Variants in SCNN1B observed in about 807,000 individuals in gnomAD.
The protein encoded by SCNN1B is sodium channel epithelial 1 subunit beta, also known as epithelial sodium channel subunit beta.
SCNN1B carries 46 observed loss-of-function variants against 65.3 expected under a neutral mutation model. The observed-to-expected ratio is 0.70, with a 90% CI of 0.56 to 0.90. The LOEUF (loss-of-function observed/expected upper bound fraction) is 0.90, where lower values mean the gene tolerates loss of function less well. Among genes scored for constraint, SCNN1B ranks in the 40% least tolerant of loss-of-function variants. SCNN1B has a pLI of 0.00. For synonymous variants in SCNN1B, 349 were observed against 330.6 expected (o/e 1.06, Z -0.60); for missense variants, 751 against 830.5 (o/e 0.90, Z 1.18).
chr16:23,305,581 A>AAAAATAT lies in SCNN1B; in HGVS notation c.-9+3144_-9+3145insAAAATAT, dbSNP rs1305365155. Among the ~76,000 whole-genome samples the AAAAATAT allele has an allele frequency of 3.3e-4, 11 of 33,412 alleles. 1 individual carries two copies. In the East Asian group the frequency reaches 8.3e-3, roughly 25 times the overall value. 21.9% of individuals were successfully genotyped at this position (33,412 alleles called of 152,430 possible). On this transcript the variant is annotated intron_variant, in intron 1 of 12. Transcript: ENST00000343070. ...ATATATATATATATATATATATTATATATATATATATATATATAACCTGGG... is the reference window on the plus strand; with the variant it reads ...ATATATATATATATATATATATTATAAAAATATTATATATATATATATATAACCTGGG...
chr16:23,313,900 C>A (rs1467979518), intron 1 of SCNN1B, among the ~76,000 whole-genome samples: 1 of 152,196 alleles, frequency 6.6e-6, no homozygotes, highest in East Asian at 1.9e-4. Context: ...ATGAGCCATG[C>A]ACCCGGCCAG....
At chr16:23,358,551 T>G (rs1962466222) in intron 4 of SCNN1B, 1 of 152,240 alleles carries the variant, frequency 6.6e-6, no homozygotes, top group Non-Finnish European at 1.5e-5. Context: ...CATGAGTAAC[T>G]GACCCTACTA....
chr16:23,361,083 T>C (rs972625644), intron 4 of SCNN1B, among the ~76,000 whole-genome samples: 7 of 152,122 alleles, frequency 4.6e-5, no homozygotes, highest in Non-Finnish European at 1.0e-4. Context: ...CATGAGCCAC[T>C]GTGCCCAGCG....
At chr16:23,292,452 C>G (rs1311609354) in intron 2 of SCNN1B, among the ~76,000 whole-genome samples, 1 of 152,070 alleles carries the variant, frequency 6.6e-6, no homozygotes, top group African/African-American at 2.4e-5. Context: ...CCGCCTTGGC[C>G]TCCCGAAGTG....
At chr16:23,369,403 A>G (rs1398463735) in intron 5 of SCNN1B, among the ~76,000 whole-genome samples, 1 of 152,154 alleles carries the variant, frequency 6.6e-6, no homozygotes, top group African/African-American at 2.4e-5. Flanking sequence ...TTAAAGAAAG[A>G]CAGAGACACA....
At position 23,374,268 on chromosome 16, in the gene SCNN1B, G is replaced by GAAAAA. The variant is rs1223701346; in HGVS notation, c.1153-1453_1153-1449dup. Reference sequence around the variant, plus strand: ...GCAACAGAGTGAGACCCTGTCTCAGGAAAAAAAAAAAAAAAAAAAAAGAGG... The same window carrying GAAAAA: ...GCAACAGAGTGAGACCCTGTCTCAGGAAAAAAAAAAAAAAAAAAAAAAAAAAGAGG... On this transcript the variant is annotated intron_variant, in intron 7 of 12. Coordinates refer to ENST00000343070, the MANE Select transcript of SCNN1B (RefSeq NM_000336.3). Among the ~76,000 whole-genome samples, 23 of 60,456 alleles carry GAAAAA rather than the reference G, an allele frequency of 3.8e-4. 2 individuals carry two copies. The highest frequency in any genetic ancestry group is 5.8e-4 in the Admixed American group (2 of 3,426). 39.7% of individuals were successfully genotyped at this position (60,456 alleles called of 152,430 possible). A position where few individuals can be genotyped will look rare whatever the true frequency, so the allele number is the denominator to read the frequency against.
At chr16:23,358,883 G>C (rs1962475616) in intron 4 of SCNN1B, among the ~76,000 whole-genome samples, 1 of 152,224 alleles carries the variant, frequency 6.6e-6, no homozygotes, top group South Asian at 2.1e-4. Context: ...CTCCCGCCTG[G>C]GCGACAGGGG....
rs192177547 is a variant in SCNN1B, at chr16:23,350,294, G to A, written c.311+1384G>A. 2.0e-5 allele frequency among the ~76,000 whole-genome samples: 3 copies of A among 152,086 alleles called. No individual in the cohort carries two copies. In the East Asian group the frequency reaches 5.8e-4, roughly 29 times the overall value. ...TGGAGATGCACAGTGGAAGACTGTG[G>A]GATTTGAATCTAGGCCTGATGTGAT... On this transcript the variant is annotated intron_variant, in intron 2 of 12. Coordinates refer to ENST00000343070, the MANE Select transcript of SCNN1B (RefSeq NM_000336.3).
At chr16:23,365,587 G>GAGAA (rs1555488905) in intron 4 of SCNN1B, among the ~76,000 whole-genome samples, 3,215 of 86,850 alleles carry the variant, frequency 0.037, 75 homozygotes, top group East Asian at 0.052. Flanking sequence ...AAGAAAGAAA[G>GAGAA]AGAAAGAAAG....
intron 2 of SCNN1B, among the ~76,000 whole-genome samples, chr16:23,296,997 A>C (rs1961006744): frequency 6.7e-6 from 1 of 150,100 alleles, no homozygotes; most frequent in Non-Finnish European, 1.5e-5. Context: ...AAACAAAAAA[A>C]AAAAAAAAAA....
intron 2 of SCNN1B, among the ~76,000 whole-genome samples, chr16:23,284,987 A>G (rs1960830506): frequency 6.6e-6 from 1 of 152,240 alleles, no homozygotes; most frequent in Non-Finnish European, 1.5e-5. Flanking sequence ...ACACAGAGGT[A>G]GCCTGGCAGG....
intron 2 of SCNN1B, among the ~76,000 whole-genome samples, chr16:23,351,688 G>A (rs1962312017): frequency 6.6e-6 from 1 of 152,172 alleles, no homozygotes; most frequent in Admixed American, 6.5e-5. Context: ...GGGTAAATTG[G>A]ACATGAAGTG....
chr16:23,332,086 T>A (rs1961824023), intron 1 of SCNN1B, among the ~76,000 whole-genome samples: 1 of 152,158 alleles, frequency 6.6e-6, no homozygotes, highest in African/African-American at 2.4e-5. Flanking sequence ...TAGATTGCAG[T>A]GGTGCAATCA....
intron 4 of SCNN1B, among the ~76,000 whole-genome samples, chr16:23,367,103 T>C (rs2142035199): frequency 6.6e-6 from 1 of 152,266 alleles, no homozygotes; most frequent in African/African-American, 2.4e-5. Flanking sequence ...AGGATGCTTG[T>C]CATTTGATTT....
At chr16:23,354,375 T>G (rs1037884072) in intron 3 of SCNN1B, among the ~76,000 whole-genome samples, 4 of 152,066 alleles carry the variant, frequency 2.6e-5, no homozygotes, top group African/African-American at 9.6e-5. Context: ...TTGGGAAGGG[T>G]GGTGTAAGAA....
intron 1 of SCNN1B, among the ~76,000 whole-genome samples, chr16:23,335,504 G>A (rs905223396): frequency 2.7e-5 from 4 of 149,312 alleles, no homozygotes; most frequent in South Asian, 2.1e-4. Flanking sequence ...CGCCCAGGCC[G>A]GAGGGCAGGC....
At chr16:23,377,688 T>C (rs1195092912) in intron 10 of SCNN1B, among the ~76,000 whole-genome samples, 3 of 120,966 alleles carry the variant, frequency 2.5e-5, no homozygotes, top group African/African-American at 9.1e-5. Context: ...CCCTCCCTTC[T>C]CATTTCCTTC....
intron 1 of SCNN1B, among the ~76,000 whole-genome samples, chr16:23,306,628 A>G (rs972003615): frequency 2.6e-5 from 4 of 152,236 alleles, no homozygotes; most frequent in Non-Finnish European, 5.9e-5. Context: ...AGAAGGGAAC[A>G]TTTAAAGGAA....
intron 4 of SCNN1B, among the ~76,000 whole-genome samples, chr16:23,365,579 G>GAAAT (rs1158634483): frequency 7.6e-4 from 62 of 81,864 alleles, no homozygotes; most frequent in African/African-American, 6.1e-3. Context: ...AAGAAAGAAA[G>GAAAT]AAAGAAAGAG....
Sources: gnomAD v4.1 joint callset for allele counts (sites outside exome capture counted in the v4.1 genomes callset) on GRCh38, gnomAD v4.1.1 for gene constraint, MANE v1.5 for transcripts, NCBI Gene and HGNC (gene_info 2026-07-23, HGNC 2026-07-21) for gene names.